ACTR3: variants seen among roughly 807,000 people sequenced by gnomAD.
ACTR3 encodes the protein actin-related protein 3.
In ACTR3, 12 loss-of-function variants were observed where a neutral mutation model predicts 56.8. The observed-to-expected ratio is 0.21, with a 90% CI of 0.14 to 0.34. The LOEUF (loss-of-function observed/expected upper bound fraction) is 0.34, where lower values mean the gene tolerates loss of function less well. ACTR3 is among the 10% of genes least tolerant of loss of function. The pLI, the probability that ACTR3 is intolerant of heterozygous loss-of-function variation, is 1.00. For missense variants in ACTR3, 282 were observed against 512.5 expected (o/e 0.55, Z 4.34); for synonymous variants, 162 against 167.4 (o/e 0.97, Z 0.25).
chr2:113,921,291 A>T, intron 3 of ACTR3, among the ~76,000 whole-genome samples: 1 of 141,736 alleles, frequency 7.1e-6, no homozygotes. Flanking sequence ...GTCTATTTAG[A>T]TTATTTGCCC....
chr2:113,900,021 G>A (rs547717151), intron 1 of ACTR3, among the ~76,000 whole-genome samples: 2 of 141,594 alleles, frequency 1.4e-5, no homozygotes, highest in Non-Finnish European at 3.2e-5. Flanking sequence ...AAGCAAAAGA[G>A]TGATAAAAGG....
intron 8 of ACTR3, among the ~76,000 whole-genome samples, chr2:113,947,653 CATAA>C (rs1422218004): frequency 1.3e-5 from 2 of 152,094 alleles, no homozygotes; most frequent in Non-Finnish European, 2.9e-5. Flanking sequence ...GACCCTGTCT[CATAA>C]ATAAATAACC....
intron 8 of ACTR3, among the ~76,000 whole-genome samples, chr2:113,949,181 C>T (rs2104626531): frequency 6.6e-6 from 1 of 150,980 alleles, no homozygotes; most frequent in South Asian, 2.1e-4. Flanking sequence ...AGTTCGAGAT[C>T]AGCCTGGCCA....
chr2:113,951,675 A>G, intron 9 of ACTR3, 45 bp from the exon 10 acceptor site: 2 of 1,488,058 alleles, frequency 1.3e-6, no homozygotes, highest in South Asian at 1.3e-5. Flanking sequence ...TTATATCTTT[A>G]AACTTTTCTC....
Position 113,931,317 on chromosome 2 carries a change from A to G in ACTR3, c.353A>G (p.Asn118Ser). Reference protein sequence around the residue: ...HYFLLTEPPLNTPENREYTAE... With the variant: ...HYFLLTEPPLSTPENREYTAE... ...TTTCAATAGACTGAACCTCCATTGA[A>G]TACTCCAGAAAACAGGGAATATACT... The change falls in exon 5 of 12, where the codon AAT (asparagine) becomes AGT (serine). Residue 118 changes from asparagine (N) to serine (S), a missense_variant. Coordinates refer to ENST00000263238, the MANE Select transcript of ACTR3 (RefSeq NM_005721.5). 3 of 1,580,974 alleles carry G rather than the reference A, an allele frequency of 1.9e-6. No homozygotes were observed. Among genetic ancestry groups the G allele is most frequent in the Middle Eastern group, 1.7e-4 (1 of 5,744 alleles).
intron 6 of ACTR3, among the ~76,000 whole-genome samples, chr2:113,935,187 G>A (rs1332421173): frequency 6.6e-6 from 1 of 152,136 alleles, no homozygotes; most frequent in African/African-American, 2.4e-5. Flanking sequence ...AGTAATAACT[G>A]CCATTGTTTA....
intron 6 of ACTR3, among the ~76,000 whole-genome samples, chr2:113,936,929 C>T (rs1407785510): frequency 2.0e-5 from 3 of 152,120 alleles, no homozygotes. Context: ...TTCTTAAGGA[C>T]ACCACTTATA....
intron 4 of ACTR3, among the ~76,000 whole-genome samples, chr2:113,928,113 CT>C (rs1292211385): frequency 6.6e-6 from 1 of 151,600 alleles, no homozygotes; most frequent in African/African-American, 2.4e-5. Context: ...CCCTTTTTAC[CT>C]TTTCTCTCCC....
At chr2:113,890,562 G>A (rs1678868196) in intron 1 of ACTR3, 1 of 1,370,768 alleles carries the variant, frequency 7.3e-7, no homozygotes, top group Non-Finnish European at 9.4e-7. Context: ...CCCTCCCAGC[G>A]GCTTTCTCCG....
chr2:113,947,803 A>G (rs1192590732), intron 8 of ACTR3, among the ~76,000 whole-genome samples: 1 of 152,174 alleles, frequency 6.6e-6, no homozygotes, highest in East Asian at 1.9e-4. Flanking sequence ...TTATTGTTTC[A>G]TACACCAATT....
rs1443149083 is a variant in ACTR3, at chr2:113,962,516, T to TA, written c.*5063dup. On this transcript the variant is annotated 3_prime_UTR_variant, in exon 12 of 12. Coordinates refer to ENST00000263238, the MANE Select transcript of ACTR3 (RefSeq NM_005721.5). ...AAGATTCAAGGTTGCAGTAAATTGT[T>TA]AATCTTATTTGGAATTATATTAGAA... 6.6e-6 allele frequency: 1 copy of TA among 152,042 alleles called. No individual in the cohort carries two copies. The highest frequency in any genetic ancestry group is 1.5e-5 in the Non-Finnish European group (1 of 67,918). The allele number at this position is 152,042 out of a possible 1,614,324, so 9.4% of individuals were successfully genotyped here.
chr2:113,951,258 A>T (rs1680116182), intron 8 of ACTR3: 2 of 407,070 alleles, frequency 4.9e-6, no homozygotes, highest in East Asian at 4.3e-5. Context: ...TATATGTATG[A>T]CTTTACATGT....
At position 113,960,591 on chromosome 2, in the gene ACTR3, T is replaced by G. The variant is rs1006482380; in HGVS notation, c.*3136T>G. The G allele has an allele frequency of 1.3e-5, 2 of 152,040 alleles. No individual in the cohort carries two copies. Among genetic ancestry groups the G allele is most frequent in the Admixed American group, 1.3e-4 (2 of 15,248 alleles). The allele number at this position is 152,040 out of a possible 1,614,324, so 9.4% of individuals were successfully genotyped here. The stretch of plus-strand genomic sequence containing the variant: ...AGATTATTTGTGTTATAAAGCTTAT[T>G]TGTACCATAGTAAAGGATGTTTTTG... On this transcript the variant is annotated 3_prime_UTR_variant, in exon 12 of 12. Coordinates refer to ENST00000263238, the MANE Select transcript of ACTR3 (RefSeq NM_005721.5).
intron 8 of ACTR3, among the ~76,000 whole-genome samples, chr2:113,943,464 A>C (rs58556274): frequency 0.048 from 7,379 of 152,268 alleles, 574 homozygotes; most frequent in African/African-American, 0.17. Flanking sequence ...TTTTAAGCAT[A>C]GAAGATAATT....
chr2:113,931,466 C>T (rs968344146), intron 5 of ACTR3, 70 bp downstream of exon 5: 17 of 1,028,252 alleles, frequency 1.7e-5, no homozygotes, highest in Admixed American at 2.9e-5. Context: ...GCCTAAAATA[C>T]GTACTTTTTT....
At chr2:113,946,109 G>A (rs1175642123) in intron 8 of ACTR3, among the ~76,000 whole-genome samples, 1 of 152,114 alleles carries the variant, frequency 6.6e-6, no homozygotes, top group African/African-American at 2.4e-5. Flanking sequence ...ACATACATAT[G>A]CATGTGCCTT....
intron 2 of ACTR3, among the ~76,000 whole-genome samples, chr2:113,916,175 C>T (rs1225340705): frequency 2.6e-5 from 4 of 152,038 alleles, no homozygotes; most frequent in Admixed American, 6.6e-5. Context: ...CAGTTGAATG[C>T]CAGATCAGTT....
Position 113,931,342 on chromosome 2 carries a change from T to A in ACTR3, c.378T>A (p.Thr126=), listed in dbSNP as rs1209641483. The A allele has an allele frequency of 4.4e-6, 7 of 1,598,726 alleles. No individual in the cohort carries two copies. Among genetic ancestry groups the A allele is most frequent in the Non-Finnish European group, 5.1e-6 (6 of 1,172,994 alleles). The change falls in exon 5 of 12, where the codon ACT becomes ACA. Residue 126 remains threonine (T), a synonymous_variant. Transcript: ENST00000263238. ...PLNTPENREY[T]AEIMFESFNV... Reference sequence around the variant, plus strand: ...ATACTCCAGAAAACAGGGAATATACTGCTGAAATAATGTTTGAGTCCTTCA... The same window carrying A: ...ATACTCCAGAAAACAGGGAATATACAGCTGAAATAATGTTTGAGTCCTTCA...
chr2:113,927,592 C>G, intron 4 of ACTR3, 137 bp downstream of exon 4: 1 of 561,958 alleles, frequency 1.8e-6, no homozygotes, highest in Non-Finnish European at 3.1e-6. Context: ...GCTGTATCAT[C>G]TTTAAGACCA....
Sources: gnomAD v4.1 joint callset for allele counts (sites outside exome capture counted in the v4.1 genomes callset) on GRCh38, gnomAD v4.1.1 for gene constraint, MANE v1.5 for transcripts, NCBI Gene and HGNC (gene_info 2026-07-23, HGNC 2026-07-21) for gene names.